The following ACLY variants were observed in gnomAD, a reference collection of about 807,000 sequenced individuals.
The protein encoded by ACLY is ATP-citrate synthase.
In ACLY, 41 loss-of-function variants were observed where a neutral mutation model predicts 133.0. The ratio of observed to expected loss-of-function variants is 0.31; its 90% confidence interval spans 0.24 to 0.40. ACLY has a LOEUF of 0.40. ACLY is among the 10% of genes least tolerant of loss of function. The pLI is 1.00. For missense variants in ACLY, 1,046 were observed against 1,453.8 expected, an observed-to-expected ratio of 0.72 and a Z score of 4.56; for synonymous variants, 495 against 549.3, an observed-to-expected ratio of 0.90 and a Z score of 1.38.
chr17:41,886,024 G>T, intron 18 of ACLY, 88 bp downstream of exon 18: 2 of 1,335,248 alleles, frequency 1.5e-6, no homozygotes, highest in Non-Finnish European at 2.1e-6. Context: ...GAACTCAGGG[G>T]CAGCAAGCAG....
rs368879104 is a variant in ACLY, at chr17:41,872,003, T to C, written c.2793+29A>G. 65 of 1,612,546 alleles carry C rather than the reference T, an allele frequency of 4.0e-5. 1 individual carries two copies. Among genetic ancestry groups the C allele is most frequent in the East Asian group, 3.8e-4 (17 of 44,834 alleles). ...TGAGGCCAAGGCCCAGTGTCCCCACTGTTCACCTCCCATGATGACAGTACT... is the reference window on the plus strand; with the variant it reads ...TGAGGCCAAGGCCCAGTGTCCCCACCGTTCACCTCCCATGATGACAGTACT... On this transcript the variant is annotated intron_variant, in intron 24 of 28. Transcript: ENST00000352035.
At chr17:41,893,350 C>T (rs976824533) in intron 14 of ACLY, among the ~76,000 whole-genome samples, 176 bp from the exon 15 acceptor site, 16 of 152,056 alleles carry the variant, frequency 1.1e-4, no homozygotes, top group African/African-American at 3.6e-4. Context: ...GGAGGTGCCT[C>T]GATTTTTCTG....
chr17:41,890,280 A>G (rs973492099), intron 16 of ACLY, among the ~76,000 whole-genome samples: 14 of 151,966 alleles, frequency 9.2e-5, no homozygotes, highest in African/African-American at 3.4e-4. Flanking sequence ...ACAAAACAGT[A>G]TTTATCAGTA....
chr17:41,873,944 G>GT lies in ACLY; in HGVS notation c.2508dup (p.Pro837ThrfsTer11). The GT allele has an allele frequency of 6.2e-7, 1 of 1,605,874 alleles. No homozygotes were observed. Among genetic ancestry groups the GT allele is most frequent in the East Asian group, 2.3e-5 (1 of 44,410 alleles). ...CAGATGCTGGTCATGAACGAGGCAG[G>GT]TTTGCGGATCAAACCAAGCTCCTGG... On this transcript the variant is annotated frameshift_variant, in exon 23 of 29. Transcript: ENST00000352035. LOFTEE classifies it high-confidence loss of function.
At chr17:41,917,601 A>C (rs1227209984) in intron 1 of ACLY, among the ~76,000 whole-genome samples, 2 of 152,124 alleles carry the variant, frequency 1.3e-5, no homozygotes, top group African/African-American at 2.4e-5. Flanking sequence ...GGAAAGACAA[A>C]AACACTCATT....
Position 41,878,131 on chromosome 17 carries a change from G to A in ACLY, c.2459C>T (p.Thr820Ile). ...IVPAQEVPPP[T>I]VPMDYSWARE... ...GGCCCAGGAGTAGTCCATGGGCACG[G>A]TTGGGGGCGGCACCTCCTGGGCAGG... The change falls in exon 22 of 29, where the codon ACC becomes ATC. Residue 820 changes from threonine to isoleucine, a missense_variant. By Grantham distance (89) the Thr-to-Ile change is moderately conservative. This residue lies in a region of ACLY where 205 missense variants were observed against 373.3 expected (regional missense o/e 0.55). Coordinates refer to ENST00000352035, the MANE Select transcript of ACLY (RefSeq NM_001096.3). 1 of 1,588,312 alleles carries A rather than the reference G, an allele frequency of 6.3e-7. No homozygotes were observed. Among genetic ancestry groups the A allele is most frequent in the Non-Finnish European group, 8.6e-7 (1 of 1,167,454 alleles).
chr17:41,918,993 C>A (rs1439531826), upstream of ACLY: 1 of 1,286,644 alleles, frequency 7.8e-7, no homozygotes, highest in Admixed American at 2.3e-5. Flanking sequence ...CCCGGCCCAG[C>A]CGGACTTTTC....
Position 41,906,560 on chromosome 17 carries a change from C to A in ACLY, c.834G>T (p.Met278Ile). Reference sequence around the variant, plus strand: ...CGACAGAGGCGCCACCCCCGGCCACCATGGTCCAGATCCTCCCTTTGGGGT... The same window carrying A: ...CGACAGAGGCGCCACCCCCGGCCACAATGGTCCAGATCCTCCCTTTGGGGT... ...LLNPKGRIWT[M>I]VAGGGASVVY... is the part of the protein sequence containing the mutation. The change falls in exon 8 of 29, where the codon ATG becomes ATT. Residue 278 changes from methionine (M) to isoleucine (I), a missense_variant. Met to Ile is a conservative substitution (Grantham distance 10). Transcript: ENST00000352035. The A allele has an allele frequency of 6.2e-7, 1 of 1,614,226 alleles. No homozygotes were observed. The highest frequency in any genetic ancestry group is 8.5e-7 in the Non-Finnish European group (1 of 1,180,030).
chr17:41,925,181 G>A (rs953696334), intron 1 of ACLY, among the ~76,000 whole-genome samples: 45 of 151,654 alleles, frequency 3.0e-4, no homozygotes, highest in African/African-American at 1.1e-3. Flanking sequence ...GGTTACAGGC[G>A]CCCACCACCA....
rs148951948 is a variant in ACLY, at chr17:41,913,777, G to A, written c.97C>T (p.Arg33Trp). ...SAIQNRFKYA[R>W]VTPDTDWARL... The stretch of plus-strand genomic sequence containing the variant: ...GCCCAGTCTGTGTCAGGAGTGACCC[G>A]AGCATACTTGAACCGATTCTGGATG... Residue 33 changes from arginine to tryptophan, a missense_variant, in exon 2 of 29, where the codon CGG (arginine) becomes TGG (tryptophan). This residue lies in a region of ACLY where 227 missense variants were observed against 245.6 expected (regional missense o/e 0.92). Coordinates refer to ENST00000352035, the MANE Select transcript of ACLY (RefSeq NM_001096.3). The A allele has an allele frequency of 1.1e-5, 17 of 1,614,220 alleles. No homozygotes were observed. The highest frequency in any genetic ancestry group is 3.3e-5 in the South Asian group (3 of 91,080).
intron 1 of ACLY, among the ~76,000 whole-genome samples, chr17:41,925,751 T>C (rs947833565): frequency 1.3e-5 from 2 of 152,102 alleles, no homozygotes; most frequent in Non-Finnish European, 2.9e-5. Context: ...AGGCAGTAGT[T>C]ACCTGGAGAG....
chr17:41,876,205 C>T (rs1303497642), intron 22 of ACLY, among the ~76,000 whole-genome samples: 2 of 150,866 alleles, frequency 1.3e-5, no homozygotes, highest in African/African-American at 4.9e-5. Flanking sequence ...AAGTGAGGAG[C>T]GTCTTCGCCC....
At position 41,905,628 on chromosome 17, in the gene ACLY, G is replaced by A. The variant is rs782256999; in HGVS notation, c.897C>T (p.Asn299=). 20 of 1,614,052 alleles carry A rather than the reference G, an allele frequency of 1.2e-5. No homozygotes were observed. Among genetic ancestry groups the A allele is most frequent in the South Asian group, 4.4e-5 (4 of 91,092 alleles). The change falls in exon 9 of 29, where the codon AAC becomes AAT. Residue 299 remains asparagine, a synonymous_variant. Transcript: ENST00000352035. ...AGTACTCCCCATAGTTTGCCAGCTC[G>A]TTGACACCCCCTAGATCACAGATGG... is the stretch of plus-strand genomic sequence containing the variant. ...SDTICDLGGV[N]ELANYGEYSG... is the part of the protein sequence containing the mutation.
intron 1 of ACLY, among the ~76,000 whole-genome samples, chr17:41,927,874 C>T (rs1239213088): frequency 6.6e-6 from 1 of 151,064 alleles, no homozygotes; most frequent in Non-Finnish European, 1.5e-5. Flanking sequence ...TGGTGGCTCA[C>T]ATCTGTAAGC....
chr17:41,923,685 T>TA (rs1444785825), upstream of ACLY, among the ~76,000 whole-genome samples: 2 of 152,026 alleles, frequency 1.3e-5, no homozygotes, highest in Non-Finnish European at 2.9e-5. Flanking sequence ...TAAACATGAC[T>TA]AAAAAAAGGC....
chr17:41,877,443 CTTTT>C (rs35203873), intron 22 of ACLY, among the ~76,000 whole-genome samples: 17 of 135,244 alleles, frequency 1.3e-4, no homozygotes, highest in Admixed American at 3.7e-4. Context: ...AGGCCCAGCC[CTTTT>C]TTTTTTTTTT....
intron 25 of ACLY, 64 bp from the exon 26 acceptor site, chr17:41,869,651 T>C: frequency 1.4e-6 from 2 of 1,396,132 alleles, no homozygotes; most frequent in Non-Finnish European, 1.0e-6. Context: ...TTGTTCATAC[T>C]TGTGTTACAG....
intron 1 of ACLY, among the ~76,000 whole-genome samples, chr17:41,916,256 G>C (rs772494469): frequency 6.6e-6 from 1 of 152,100 alleles, no homozygotes; most frequent in Non-Finnish European, 1.5e-5. Flanking sequence ...TAAAAATAAG[G>C]CCTCTGCAAA....
chr17:41,919,053 C>T (rs1555635057), upstream of ACLY: 2 of 1,279,122 alleles, frequency 1.6e-6, no homozygotes, highest in East Asian at 5.8e-5. Flanking sequence ...TGGCCACACG[C>T]GTTCCCTAGC....
Sources: gnomAD v4.1 joint callset for allele counts (sites outside exome capture counted in the v4.1 genomes callset) on GRCh38, gnomAD v4.1.1 for gene constraint, gnomAD v4.1.1 regional missense constraint, MANE v1.5 for transcripts, NCBI Gene and HGNC (gene_info 2026-07-23, HGNC 2026-07-21) for gene names.